Variants in CNOT10 observed in about 807,000 individuals in gnomAD.
The protein encoded by CNOT10 is CCR4-NOT transcription complex, subunit 10.
In CNOT10, 30 loss-of-function variants were observed where a neutral mutation model predicts 94.6. The ratio of observed to expected loss-of-function variants is 0.32; its 90% CI spans 0.24 to 0.43. CNOT10 has a LOEUF of 0.43. Among genes scored for constraint, CNOT10 ranks in the 20% least tolerant of loss-of-function variants. The pLI, the probability that CNOT10 is intolerant of heterozygous loss-of-function variation, is 1.00. For missense variants in CNOT10, 759 were observed against 877.2 expected (o/e 0.87, Z 1.70); for synonymous variants, 289 against 301.6 (o/e 0.96, Z 0.43).
At chr3:32,690,678 C>G (rs1696810167) in intron 1 of CNOT10, among the ~76,000 whole-genome samples, 1 of 151,912 alleles carries the variant, frequency 6.6e-6, no homozygotes, top group Non-Finnish European at 1.5e-5. Context: ...TCCCAAGTGG[C>G]TAGGACTACA....
intron 1 of CNOT10, among the ~76,000 whole-genome samples, chr3:32,687,439 G>GAATTTTTTTTTTTTTTTTTT (rs1696653228): frequency 1.9e-5 from 1 of 51,320 alleles, no homozygotes; most frequent in Non-Finnish European, 3.4e-5. Flanking sequence ...AGTCCTCACG[G>GAATTTTTTTTTTTTTTTTTT]TTTTTTTTTT....
chr3:32,724,337 C>G (rs536806348), intron 8 of CNOT10, among the ~76,000 whole-genome samples: 28 of 149,868 alleles, frequency 1.9e-4, no homozygotes, highest in African/African-American at 6.4e-4. Flanking sequence ...CCTCTGCCCT[C>G]TAGGGCCAAG....
At chr3:32,757,181 T>TTC (rs1700259232) in intron 13 of CNOT10, among the ~76,000 whole-genome samples, 1 of 122,702 alleles carries the variant, frequency 8.1e-6, no homozygotes, top group Non-Finnish European at 1.7e-5. Flanking sequence ...TTTTTTTTTT[T>TTC]TTTTTTTTTT....
intron 1 of CNOT10, among the ~76,000 whole-genome samples, chr3:32,696,325 AAAG>A (rs1290743533): frequency 2.6e-4 from 37 of 141,336 alleles, no homozygotes; most frequent in East Asian, 3.9e-4. Context: ...CAAAAAAAAA[AAAG>A]AAGAAGAAGA....
At chr3:32,732,823 A>G (rs1699020909) in intron 10 of CNOT10, among the ~76,000 whole-genome samples, 1 of 152,166 alleles carries the variant, frequency 6.6e-6, no homozygotes, top group Non-Finnish European at 1.5e-5. Flanking sequence ...TCTTAATCAA[A>G]TATCCTAAAG....
intron 1 of CNOT10, among the ~76,000 whole-genome samples, chr3:32,698,489 T>G (rs151043187): frequency 2.0e-5 from 3 of 152,286 alleles, no homozygotes; most frequent in African/African-American, 7.2e-5. Context: ...GAAATTGAAT[T>G]TTACTGTTAA....
rs200222971 is a variant in CNOT10, at chr3:32,713,219, T to C, written c.431-8T>C. The C allele has an allele frequency of 2.4e-3, 3,683 of 1,561,880 alleles. 10 individuals carry two copies. Among genetic ancestry groups the C allele is most frequent in the Middle Eastern group, 3.4e-3 (20 of 5,848 alleles). ...TGACTATTCTTTTCTGTGTTTTTTT[T>C]CTCCCAGAAGAAAAATTTGCCCAAG... On this transcript the variant is annotated splice_polypyrimidine_tract_variant and splice_region_variant and intron_variant, in intron 4 of 18. Transcript: ENST00000328834.
Position 32,685,258 on chromosome 3 carries a change from A to C in CNOT10, c.-203A>C. The C allele has an allele frequency of 3.6e-6, 2 of 550,392 alleles. No homozygotes were observed. Among genetic ancestry groups the C allele is most frequent in the Non-Finnish European group, 6.5e-6 (2 of 307,250 alleles). The allele number at this position is 550,392 out of a possible 1,614,324, so 34.1% of individuals were successfully genotyped here. On this transcript the variant is annotated 5_prime_UTR_variant, in exon 1 of 19. Coordinates refer to ENST00000328834, the MANE Select transcript of CNOT10 (RefSeq NM_015442.3). ...GGCTGTGGCGGTCCCTTGGTGGGGA[A>C]GCTGTTGCTGTTGCTAGACGACGGG... is the stretch of plus-strand genomic sequence containing the variant.
chr3:32,750,187 G>C (rs1488543155), intron 13 of CNOT10, among the ~76,000 whole-genome samples: 1 of 152,040 alleles, frequency 6.6e-6, no homozygotes, highest in Non-Finnish European at 1.5e-5. Context: ...GATGACAAGA[G>C]CTAGACACTG....
intron 18 of CNOT10, among the ~76,000 whole-genome samples, chr3:32,772,336 G>A (rs994412228): frequency 1.3e-4 from 19 of 151,538 alleles, no homozygotes; most frequent in Non-Finnish European, 1.8e-4. Context: ...ACGACAGAGC[G>A]AGACTCCGTC....
At chr3:32,705,188 G>T (rs2125517843) in intron 3 of CNOT10, among the ~76,000 whole-genome samples, 1 of 152,194 alleles carries the variant, frequency 6.6e-6, no homozygotes, top group East Asian at 1.9e-4. Context: ...AACTTGAACA[G>T]AATAGACTAA....
At position 32,703,924 on chromosome 3, in the gene CNOT10, GAGA is replaced by G; in HGVS notation, c.82_84del (p.Lys28del). 1 of 1,613,966 alleles carries G rather than the reference GAGA, an allele frequency of 6.2e-7. No individual in the cohort carries two copies. The highest frequency in any genetic ancestry group is 8.5e-7 in the Non-Finnish European group (1 of 1,179,844). On this transcript the variant is annotated inframe_deletion, in exon 2 of 19. Coordinates refer to ENST00000328834, the MANE Select transcript of CNOT10 (RefSeq NM_015442.3). ...TCAGTCCTCTGGGATCACTGATCAA[GAGA>G]AGGAGTTATCCACCAATGCTTTCCA...
intron 13 of CNOT10, among the ~76,000 whole-genome samples, chr3:32,740,311 T>C (rs1044957413): frequency 1.3e-5 from 2 of 151,844 alleles, no homozygotes; most frequent in African/African-American, 4.8e-5. Flanking sequence ...ATACAAAAAT[T>C]AGCTGAGTGT....
chr3:32,721,921 G>T (rs1375252150), intron 8 of CNOT10, among the ~76,000 whole-genome samples: 1 of 151,422 alleles, frequency 6.6e-6, no homozygotes, highest in East Asian at 1.9e-4. Context: ...CAAAGTGCTG[G>T]GATTACAGGC....
chr3:32,767,030 TTGTAGACCTTTGCAGTTA>T (rs1445130980), intron 17 of CNOT10, among the ~76,000 whole-genome samples: 1 of 152,196 alleles, frequency 6.6e-6, no homozygotes, highest in Non-Finnish European at 1.5e-5. Flanking sequence ...TTGCCCTTGC[TTGTAGACCTTTGCAGTTA>T]GGAGACACCT....
chr3:32,716,107 A>G (rs1400052838), intron 5 of CNOT10, 118 bp from the exon 6 acceptor site: 2 of 529,990 alleles, frequency 3.8e-6, no homozygotes, highest in Non-Finnish European at 6.6e-6. Flanking sequence ...ATTTCCCACA[A>G]ATTCTACATT....
At chr3:32,709,014 T>TGAA (rs1030200702) in intron 4 of CNOT10, among the ~76,000 whole-genome samples, 194 bp downstream of exon 4, 14 of 152,348 alleles carry the variant, frequency 9.2e-5, no homozygotes, top group Middle Eastern at 3.4e-3. Flanking sequence ...TCCCAAATTT[T>TGAA]GAAGATAACT....
chr3:32,723,802 CCAGGAA>C, intron 8 of CNOT10, among the ~76,000 whole-genome samples: 1 of 152,258 alleles, frequency 6.6e-6, no homozygotes, highest in East Asian at 1.9e-4. Context: ...AATAGATCAG[CCAGGAA>C]CGGTGCTCAC....
At chr3:32,688,170 G>T (rs1007862452) in intron 1 of CNOT10, among the ~76,000 whole-genome samples, 1 of 152,168 alleles carries the variant, frequency 6.6e-6, no homozygotes, top group African/African-American at 2.4e-5. Flanking sequence ...TTCACCAATG[G>T]CCTGTTTTGC....
Sources: gnomAD v4.1 joint callset for allele counts (sites outside exome capture counted in the v4.1 genomes callset) on GRCh38, gnomAD v4.1.1 for gene constraint, MANE v1.5 for transcripts, NCBI Gene and HGNC (gene_info 2026-07-23, HGNC 2026-07-21) for gene names.